Variants in CDH18 observed in about 807,000 individuals in gnomAD.
CDH18 encodes the protein cadherin 18, also known as cadherin-18.
A neutral mutation model predicts 67.9 loss-of-function variants in CDH18; 31 were observed. The observed-to-expected ratio is 0.46, with a 90% CI of 0.34 to 0.62. The LOEUF is 0.62. Among genes scored for constraint, CDH18 ranks in the 20% least tolerant of loss-of-function variants. The pLI, the probability that CDH18 is intolerant of heterozygous loss-of-function variation, is 0.01. For synonymous variants in CDH18, 362 were observed against 347.2 expected, an observed-to-expected ratio of 1.04 and a Z score of -0.48; for missense variants, 890 against 975.5, an observed-to-expected ratio of 0.91 and a Z score of 1.17.
chr5:20,487,618 C>A (rs1057181844), intron 1 of CDH18, among the ~76,000 whole-genome samples: 3 of 151,062 alleles, frequency 2.0e-5, no homozygotes, highest in Admixed American at 6.6e-5. Context: ...CACTATACAG[C>A]CAAAGTATAT....
chr5:19,561,439 A>C (rs371356438), intron 8 of CDH18, among the ~76,000 whole-genome samples: 105 of 152,286 alleles, frequency 6.9e-4, no homozygotes, highest in African/African-American at 2.3e-3. Context: ...TTTCTCACTC[A>C]TAAGTGGGAG....
chr5:19,994,345 C>T (rs565786897), intron 2 of CDH18, among the ~76,000 whole-genome samples: 1 of 140,876 alleles, frequency 7.1e-6, no homozygotes, highest in Non-Finnish European at 1.5e-5. Context: ...ATACACCTCT[C>T]TATCCCCTTA....
chr5:20,000,555 G>T (rs1736362499), intron 2 of CDH18, among the ~76,000 whole-genome samples: 1 of 152,132 alleles, frequency 6.6e-6, no homozygotes, highest in Non-Finnish European at 1.5e-5. Context: ...TGATGTTGAG[G>T]TGTTAGCCAA....
chr5:20,135,176 T>C (rs1045979616), intron 2 of CDH18, among the ~76,000 whole-genome samples: 6 of 152,142 alleles, frequency 3.9e-5, no homozygotes, highest in Admixed American at 6.6e-5. Context: ...TCACAGTGAT[T>C]ATTCTTCCTC....
At chr5:19,861,117 C>T (rs4431344) in intron 2 of CDH18, among the ~76,000 whole-genome samples, 125,921 of 152,160 alleles carry the variant, frequency 0.83, 53,144 homozygotes, top group Non-Finnish European at 0.91. Context: ...CCATTGAGGA[C>T]CTAGATTATT....
intron 2 of CDH18, among the ~76,000 whole-genome samples, chr5:20,030,363 A>G (rs6860771): frequency 0.078 from 11,903 of 152,228 alleles, 511 homozygotes; most frequent in East Asian, 0.14. Flanking sequence ...CAAGAATGTT[A>G]TGAGGTATCT....
intron 5 of CDH18, among the ~76,000 whole-genome samples, chr5:19,632,130 A>G (rs1486553584): frequency 6.6e-6 from 1 of 152,178 alleles, no homozygotes; most frequent in African/African-American, 2.4e-5. Context: ...AAAGCCCAGT[A>G]TAATTATCAT....
At chr5:20,242,620 A>ACATATATATATACATACATG in intron 2 of CDH18, among the ~76,000 whole-genome samples, 2 of 68,880 alleles carry the variant, frequency 2.9e-5, no homozygotes, top group African/African-American at 1.3e-4. Context: ...AAATATATAT[A>ACATATATATATACATACATG]TATATATATA....
intron 3 of CDH18, among the ~76,000 whole-genome samples, chr5:19,757,468 C>A (rs1165381150): frequency 6.6e-6 from 1 of 152,250 alleles, no homozygotes; most frequent in East Asian, 1.9e-4. Context: ...TTGCTGAGCC[C>A]ATGTGTAACC....
intron 1 of CDH18, among the ~76,000 whole-genome samples, chr5:19,982,829 G>A (rs994770627): frequency 1.3e-5 from 2 of 151,326 alleles, no homozygotes; most frequent in Non-Finnish European, 2.9e-5. Flanking sequence ...TGGATCACGA[G>A]GTCAGGAGAT....
chr5:19,764,318 A>G (rs905098770), intron 3 of CDH18, among the ~76,000 whole-genome samples: 3 of 152,090 alleles, frequency 2.0e-5, no homozygotes, highest in African/African-American at 7.2e-5. Flanking sequence ...TTATTAAAAT[A>G]ATAGTATAAA....
chr5:19,708,152 G>T (rs762990023), intron 5 of CDH18, among the ~76,000 whole-genome samples: 20 of 152,252 alleles, frequency 1.3e-4, no homozygotes, highest in Non-Finnish European at 2.5e-4. Flanking sequence ...CATCTAGAAG[G>T]ACACTCTACA....
At chr5:19,828,232 A>T (rs1249509090) in intron 3 of CDH18, among the ~76,000 whole-genome samples, 2 of 152,140 alleles carry the variant, frequency 1.3e-5, no homozygotes, top group African/African-American at 4.8e-5. Flanking sequence ...CAGTAATAAG[A>T]GTCTTACCAA....
chr5:19,863,090 T>C (rs1446180528), intron 2 of CDH18, among the ~76,000 whole-genome samples: 1 of 152,092 alleles, frequency 6.6e-6, no homozygotes, highest in East Asian at 1.9e-4. Flanking sequence ...ATAAATTTAG[T>C]GGGCTCCAGG....
At chr5:19,888,334 C>A (rs1788445127) in intron 2 of CDH18, among the ~76,000 whole-genome samples, 1 of 151,982 alleles carries the variant, frequency 6.6e-6, no homozygotes, top group African/African-American at 2.4e-5. Flanking sequence ...CACTTAAATC[C>A]TTAACAAGGT....
intron 2 of CDH18, among the ~76,000 whole-genome samples, chr5:20,033,009 G>C (rs1485674062): frequency 6.6e-6 from 1 of 151,814 alleles, no homozygotes; most frequent in Non-Finnish European, 1.5e-5. Flanking sequence ...GAGATATTGT[G>C]GGGGAAAAGG....
chr5:19,850,912 A>G (rs984537540), intron 2 of CDH18, among the ~76,000 whole-genome samples: 11 of 151,854 alleles, frequency 7.2e-5, no homozygotes, highest in Non-Finnish European at 1.6e-4. Flanking sequence ...GCTACTTTAT[A>G]GCTTTTAACA....
chr5:20,298,558 T>C (rs1398898679), intron 1 of CDH18, among the ~76,000 whole-genome samples: 1 of 152,172 alleles, frequency 6.6e-6, no homozygotes, highest in Non-Finnish European at 1.5e-5. Context: ...AAATGGAGAC[T>C]ACATAGATAC....
intron 12 of CDH18, 132 bp from the exon 13 acceptor site, chr5:19,473,848 C>G: frequency 1.4e-6 from 1 of 738,024 alleles, no homozygotes; most frequent in South Asian, 1.7e-5. Flanking sequence ...CATTGCAGCA[C>G]AACTCACTCT....
Sources: gnomAD v4.1 joint callset for allele counts (sites outside exome capture counted in the v4.1 genomes callset) on GRCh38, gnomAD v4.1.1 for gene constraint, MANE v1.5 for transcripts, NCBI Gene and HGNC (gene_info 2026-07-23, HGNC 2026-07-21) for gene names.